ADCY7: variants seen among roughly 807,000 people sequenced by gnomAD.
ADCY7 encodes adenylate cyclase 7.
ADCY7 carries 72 observed loss-of-function variants against 120.6 expected under a neutral mutation model. The ratio of observed to expected loss-of-function variants is 0.60; its 90% CI spans 0.49 to 0.73. The LOEUF (loss-of-function observed/expected upper bound fraction) is 0.73. Among genes scored for constraint, ADCY7 ranks in the 30% least tolerant of loss-of-function variants. ADCY7 has a pLI of 0.00. For missense variants in ADCY7, 1,227 were observed against 1,486.0 expected, an observed-to-expected ratio of 0.83 and a Z score of 2.87; for synonymous variants, 661 against 628.0, an observed-to-expected ratio of 1.05 and a Z score of -0.78.
chr16:50,256,222 C>T (rs1210702384), intron 1 of ADCY7, among the ~76,000 whole-genome samples: 2 of 152,094 alleles, frequency 1.3e-5, no homozygotes, highest in Admixed American at 1.3e-4. Flanking sequence ...AACTCAATAA[C>T]AGCAACAACA....
intron 3 of ADCY7, among the ~76,000 whole-genome samples, chr16:50,290,976 TG>T (rs2034914418): frequency 1.3e-5 from 2 of 152,014 alleles, no homozygotes; most frequent in African/African-American, 4.8e-5. Flanking sequence ...TGGGCTCCAG[TG>T]GGTAACTGGA....
upstream of ADCY7, among the ~76,000 whole-genome samples, chr16:50,244,932 G>A (rs570716450): frequency 1.5e-3 from 105 of 71,280 alleles, no homozygotes; most frequent in South Asian, 0.068. Context: ...GCTTGCTGCT[G>A]CTGGGATGTA....
chr16:50,269,948 G>A (rs1288901479), intron 1 of ADCY7, among the ~76,000 whole-genome samples: 2 of 152,150 alleles, frequency 1.3e-5, no homozygotes, highest in African/African-American at 4.8e-5. Context: ...CAGCGCTTTG[G>A]GAGGCTGAAG....
Position 50,284,232 on chromosome 16 carries a change from C to T in ADCY7, c.-268-3680C>T, listed in dbSNP as rs149213295. On this transcript the variant is annotated intron_variant, in intron 1 of 25. Transcript: ENST00000673801. ...GTGAGTTCATTCCCCCCAGGCCTCA[C>T]GGTGCCCGGCTTGTTCCAGGAGCTG... 3.4e-3 allele frequency among the ~76,000 whole-genome samples: 518 copies of T among 152,278 alleles called. 5 individuals carry two copies. The highest frequency in any genetic ancestry group is 0.012 in the African/African-American group (488 of 41,534).
intron 1 of ADCY7, among the ~76,000 whole-genome samples, chr16:50,257,710 TA>T (rs1323096091): frequency 6.6e-6 from 1 of 150,668 alleles, no homozygotes; most frequent in African/African-American, 2.4e-5. Flanking sequence ...GTAAATGTCA[TA>T]TATATATATA....
At chr16:50,293,293 C>G in intron 5 of ADCY7, 61 bp from the exon 6 acceptor site, 1 of 1,580,594 alleles carries the variant, frequency 6.3e-7, no homozygotes, top group Non-Finnish European at 8.6e-7. Flanking sequence ...GCCTGTCCCC[C>G]GCTGGTCCCT....
intron 1 of ADCY7, among the ~76,000 whole-genome samples, chr16:50,247,985 C>T (rs548622879): frequency 2.1e-4 from 32 of 152,184 alleles, no homozygotes; most frequent in Non-Finnish European, 3.2e-4. Flanking sequence ...AAAGCCCCTG[C>T]GTATCCCTTG....
rs146458849 is a variant in ADCY7, at chr16:50,305,779, C to T, written c.1682C>T (p.Pro561Leu). 28 of 1,613,812 alleles carry T rather than the reference C, an allele frequency of 1.7e-5. No homozygotes were observed. In the African/African-American group the frequency reaches 3.5e-4, roughly 20 times the overall value. ...SAIEGLSSTR[P>L]CCSKSDDFYT... is the part of the protein sequence containing the mutation. ...ACCGCAGCTGCCCCCGCCCACAGGC[C>T]CTGCTGCTCCAAGTCCGATGACTTC... is the stretch of plus-strand genomic sequence containing the variant. The change falls in exon 14 of 26, where the codon CCC becomes CTC. Residue 561 changes from proline to leucine, a missense_variant and splice_region_variant. By Grantham distance (98) the Pro-to-Leu change is moderately conservative (BLOSUM62 -3). Coordinates refer to ENST00000673801, the MANE Select transcript of ADCY7 (RefSeq NM_001114.5).
Position 50,282,914 on chromosome 16 carries a change from G to T in ADCY7, c.-268-4998G>T, listed in dbSNP as rs1020910573. Among the ~76,000 whole-genome samples, 2 of 152,228 alleles carry T rather than the reference G, an allele frequency of 1.3e-5. 1 individual carries two copies. The highest frequency in any genetic ancestry group is 1.3e-4 in the Admixed American group (2 of 15,284). On this transcript the variant is annotated intron_variant, in intron 1 of 25. Coordinates refer to ENST00000673801, the MANE Select transcript of ADCY7 (RefSeq NM_001114.5). Reference sequence around the variant, plus strand: ...ATAAACAACTTTTTATAGCGATGGGGTCTCATTATATTGCCCAGGCTGGTC... The same window carrying T: ...ATAAACAACTTTTTATAGCGATGGGTTCTCATTATATTGCCCAGGCTGGTC...
Position 50,291,889 on chromosome 16 carries a change from G to C in ADCY7, c.529G>C (p.Gly177Arg). Residue 177 changes from glycine (G) to arginine (R), a missense_variant, in exon 4 of 26, where the codon GGG becomes CGG. Transcript: ENST00000673801. ...GGFTTPSVRV[G>R]LQLLANAVIF... ...CTTCACGACACCCAGTGTCCGGGTG[G>C]GGCTGCAGGTGAGGGATGGGCTAAG... The C allele has an allele frequency of 6.2e-7, 1 of 1,610,730 alleles. No homozygotes were observed. The highest frequency in any genetic ancestry group is 1.3e-5 in the African/African-American group (1 of 75,026).
chr16:50,313,572 T>G (rs1014561217), intron 22 of ADCY7: 1 of 223,244 alleles, frequency 4.5e-6, no homozygotes, highest in African/African-American at 2.3e-5. Flanking sequence ...TTGCTAAGAT[T>G]AGACTCAGGC....
intron 14 of ADCY7, 110 bp downstream of exon 14, chr16:50,305,959 A>T (rs1567573259): frequency 4.0e-6 from 4 of 1,002,676 alleles, no homozygotes; most frequent in South Asian, 1.3e-5. Context: ...CGGCTAGGGG[A>T]GGGGCACTGA....
intron 15 of ADCY7, among the ~76,000 whole-genome samples, chr16:50,307,635 G>A (rs967442749): frequency 1.3e-5 from 2 of 152,172 alleles, no homozygotes. Context: ...CAGCTACTTG[G>A]TGCTTTCTAG....
At chr16:50,267,570 G>A (rs2033299764) in intron 1 of ADCY7, among the ~76,000 whole-genome samples, 1 of 152,186 alleles carries the variant, frequency 6.6e-6, no homozygotes, top group Non-Finnish European at 1.5e-5. Context: ...GCCTTCACTA[G>A]CATCACCATC....
chr16:50,259,971 C>T (rs1596799442), intron 1 of ADCY7, among the ~76,000 whole-genome samples: 2 of 152,144 alleles, frequency 1.3e-5, no homozygotes, highest in Non-Finnish European at 2.9e-5. Flanking sequence ...CGCCTCCCAG[C>T]GTGAAAGATG....
At chr16:50,293,301 C>T in intron 5 of ADCY7, 53 bp from the exon 6 acceptor site, 1 of 1,590,990 alleles carries the variant, frequency 6.3e-7, no homozygotes, top group Non-Finnish European at 8.6e-7. Context: ...CCCGCTGGTC[C>T]CTCCGCCGGT....
intron 25 of ADCY7, 62 bp from the exon 26 acceptor site, chr16:50,315,297 G>A (rs969944853): frequency 1.9e-6 from 3 of 1,581,800 alleles, no homozygotes; most frequent in South Asian, 2.3e-5. Context: ...GTCTCTATCT[G>A]TCCCTACCAT....
At chr16:50,256,833 A>C (rs1230667699) in intron 1 of ADCY7, among the ~76,000 whole-genome samples, 1 of 152,184 alleles carries the variant, frequency 6.6e-6, no homozygotes, top group Admixed American at 6.5e-5. Flanking sequence ...GTACATATCC[A>C]AAGGATTTGA....
At chr16:50,289,262 CT>C in intron 2 of ADCY7, 1 of 399,154 alleles carries the variant, frequency 2.5e-6, no homozygotes, top group South Asian at 1.8e-5. Context: ...TCTTGAACTC[CT>C]GGCCTCAAGT....
Sources: allele counts gnomAD v4.1 joint callset (sites outside exome capture counted in the v4.1 genomes callset), GRCh38; gene constraint gnomAD v4.1.1; transcripts MANE v1.5; gene names NCBI Gene and HGNC (gene_info 2026-07-23, HGNC 2026-07-21).